The following RBFOX3 variants were observed in gnomAD, a reference collection of about 807,000 sequenced individuals.
RBFOX3 encodes RNA binding protein fox-1 homolog 3.
Under a neutral mutation model 48.7 loss-of-function variants are expected in RBFOX3, and 17 were observed. The ratio of observed to expected loss-of-function variants is 0.35; its 90% CI spans 0.24 to 0.52. The LOEUF is 0.52. Among genes scored for constraint, RBFOX3 ranks in the 20% least tolerant of loss-of-function variants. RBFOX3 has a pLI of 0.94. For synonymous variants in RBFOX3, 212 were observed against 209.5 expected, an observed-to-expected ratio of 1.01 and a Z score of -0.10; for missense variants, 382 against 497.5, an observed-to-expected ratio of 0.77 and a Z score of 2.21.
chr17:79,095,534 G>A lies in RBFOX3; in HGVS notation c.977C>T (p.Ala326Val), dbSNP rs891632025. Reference sequence around the variant, plus strand: ...TCACCTGTCGCTGTAGGCTGCCGCCGCTGCAGCGGGCTGAGCGTATCTGTA... The same window carrying A: ...TCACCTGTCGCTGTAGGCTGCCGCCACTGCAGCGGGCTGAGCGTATCTGTA... ...AAYRYAQPAA[A>V]AAAYSDSYGR... is the part of the protein sequence containing the mutation. The change falls in exon 13 of 15, where the codon GCG (alanine) becomes GTG (valine). Residue 326 changes from alanine to valine, a missense_variant. Physicochemically the swap from Ala to Val is moderately conservative, Grantham distance 64. Coordinates refer to ENST00000693108, the MANE Select transcript of RBFOX3 (RefSeq NM_001350451.2). 5.2e-6 allele frequency: 8 copies of A among 1,551,176 alleles called. No homozygotes were observed. The highest frequency in any genetic ancestry group is 1.4e-5 in the African/African-American group (1 of 73,056).
chr17:79,185,629 C>T (rs555236810), intron 4 of RBFOX3, among the ~76,000 whole-genome samples: 2 of 152,334 alleles, frequency 1.3e-5, no homozygotes, highest in East Asian at 1.9e-4. Context: ...ACATAGCATT[C>T]AGCCGAAACC....
rs1233748049 is a variant in RBFOX3, at chr17:79,479,599, A to G, written c.-175+2855T>C. Among the ~76,000 whole-genome samples the G allele has an allele frequency of 8.5e-5, 13 of 152,248 alleles. No homozygotes were observed. The highest frequency in any genetic ancestry group is 1.2e-4 in the Non-Finnish European group (8 of 68,030). On this transcript the variant is annotated intron_variant, in intron 2 of 14. Transcript: ENST00000693108. The surrounding 1 kb of genome is among the most constrained non-coding windows in gnomAD (Gnocchi z 5.1). The stretch of plus-strand genomic sequence containing the variant: ...GGACAGTGAACACACCGAGGGAAGC[A>G]GCTCAGGTCCAAAAGAGCTTGTGGG...
intron 4 of RBFOX3, among the ~76,000 whole-genome samples, chr17:79,155,156 T>C (rs1207617656): frequency 1.3e-5 from 2 of 152,244 alleles, no homozygotes; most frequent in Admixed American, 6.5e-5. Context: ...GGCCAGCTAG[T>C]GCCGCGTCCC....
chr17:79,149,763 G>A (rs1409430536), intron 4 of RBFOX3, among the ~76,000 whole-genome samples: 2 of 151,508 alleles, frequency 1.3e-5, no homozygotes, highest in African/African-American at 4.9e-5. Flanking sequence ...GCAGGTCCTG[G>A]GAGGACAGGG....
chr17:79,328,361 G>T (rs979433523), intron 2 of RBFOX3, among the ~76,000 whole-genome samples: 7 of 152,302 alleles, frequency 4.6e-5, no homozygotes, highest in Admixed American at 4.6e-4. Context: ...ATTGTGGCAG[G>T]GCTATCTGGT....
chr17:79,613,343 C>T (rs2093982147), upstream of RBFOX3, among the ~76,000 whole-genome samples: 3 of 152,228 alleles, frequency 2.0e-5, no homozygotes, highest in South Asian at 6.2e-4. Flanking sequence ...CCAGCCAGGC[C>T]GGCCTCATTA....
the RBFOX3 span, among the ~76,000 whole-genome samples, chr17:79,630,991 C>T: frequency 2.1e-3 from 315 of 152,238 alleles, 8 homozygotes; most frequent in Non-Finnish European, 6.5e-4. Flanking sequence ...ACCTCATGGC[C>T]AGGGACGGCC....
chr17:79,202,754 C>T (rs2056954997), intron 4 of RBFOX3, among the ~76,000 whole-genome samples: 1 of 152,258 alleles, frequency 6.6e-6, no homozygotes, highest in African/African-American at 2.4e-5. Context: ...GCACTGCCCG[C>T]CCTGGGGCTC....
At chr17:79,257,292 AG>A (rs1304543230) in intron 3 of RBFOX3, among the ~76,000 whole-genome samples, 2 of 152,226 alleles carry the variant, frequency 1.3e-5, no homozygotes, top group Non-Finnish European at 2.9e-5. Context: ...ACACCAGCAC[AG>A]GGATGCATGT....
intron 4 of RBFOX3, among the ~76,000 whole-genome samples, chr17:79,158,738 C>A (rs1183766518): frequency 6.6e-6 from 1 of 152,186 alleles, no homozygotes; most frequent in African/African-American, 2.4e-5. Context: ...CTGAGCAGGG[C>A]ATGGAGGTGG....
At chr17:79,601,079 G>A (rs1408205627) in intron 1 of RBFOX3, 1 of 152,350 alleles carries the variant, frequency 6.6e-6, no homozygotes, top group Non-Finnish European at 1.5e-5. Context: ...GCGGAGGAAT[G>A]AATGCCTCAG....
chr17:79,601,719 G>C (rs2093708783), intron 1 of RBFOX3: 1 of 152,148 alleles, frequency 6.6e-6, no homozygotes, highest in African/African-American at 2.4e-5. Context: ...CTTCTGCCAA[G>C]GAAAGAACCC....
At chr17:79,232,219 C>A (rs764204111) in intron 4 of RBFOX3, among the ~76,000 whole-genome samples, 1 of 152,162 alleles carries the variant, frequency 6.6e-6, no homozygotes, top group African/African-American at 2.4e-5. Flanking sequence ...CTTATAGATT[C>A]AATTCAATCC....
At position 79,115,613 on chromosome 17, in the gene RBFOX3, C is replaced by T. The variant is rs375309858; in HGVS notation, c.103G>A (p.Gly35Ser). 553 of 1,285,514 alleles carry T rather than the reference C, an allele frequency of 4.3e-4. No homozygotes were observed. The highest frequency in any genetic ancestry group is 4.2e-4 in the Non-Finnish European group (427 of 1,009,004). 79.6% of individuals were successfully genotyped at this position (1,285,514 alleles called of 1,614,324 possible). A position where few individuals can be genotyped will look rare whatever the true frequency, so the allele number is the denominator to read the frequency against. ...TGCTCTGTGGGGACCGGGGTCTGGC[C>T]GGAGTAGTCCTGCGTGGGGTGCGGT... ...PPPHPTQDYSGQTPVPTEHGM... is the reference protein window; with the variant it reads ...PPPHPTQDYSSQTPVPTEHGM... Residue 35 changes from glycine (G) to serine (S), a missense_variant, in exon 5 of 15, where the codon GGC (glycine) becomes AGC (serine). Around this residue, in one of 3 missense-constraint regions of RBFOX3, gnomAD observed 118 missense variants for 132.1 expected, o/e 0.89. Coordinates refer to ENST00000693108, the MANE Select transcript of RBFOX3 (RefSeq NM_001350451.2).
At chr17:79,568,372 A>G (rs1287827520) in intron 1 of RBFOX3, among the ~76,000 whole-genome samples, 3 of 152,208 alleles carry the variant, frequency 2.0e-5, no homozygotes, top group African/African-American at 7.2e-5. Flanking sequence ...CACTGACATG[A>G]TGCTCAAAGC....
intron 3 of RBFOX3, among the ~76,000 whole-genome samples, chr17:79,264,109 T>A (rs2066266811): frequency 6.6e-6 from 1 of 151,016 alleles, no homozygotes; most frequent in South Asian, 2.1e-4. Context: ...TTTTTTTTTT[T>A]AAGACGGAGT....
At chr17:79,478,349 A>T (rs1235689753) in intron 2 of RBFOX3, among the ~76,000 whole-genome samples, 1 of 152,182 alleles carries the variant, frequency 6.6e-6, no homozygotes, top group South Asian at 2.1e-4. Flanking sequence ...TGTAAGCTGC[A>T]CTACCACGGC....
intron 3 of RBFOX3, among the ~76,000 whole-genome samples, chr17:79,276,626 A>C (rs566366150): frequency 6.6e-6 from 1 of 152,302 alleles, no homozygotes; most frequent in African/African-American, 2.4e-5. Context: ...GAGAGGTTGC[A>C]GTGAGCCCAG....
intron 3 of RBFOX3, among the ~76,000 whole-genome samples, chr17:79,259,764 GC>G (rs1358857851): frequency 1.6e-4 from 24 of 152,216 alleles, no homozygotes; most frequent in African/African-American, 5.5e-4. Flanking sequence ...GTGTCTAGGT[GC>G]CCCCGCATCT....
Sources: allele counts gnomAD v4.1 joint callset (sites outside exome capture counted in the v4.1 genomes callset), GRCh38; gene constraint gnomAD v4.1.1; regional missense constraint gnomAD v4.1.1; non-coding constraint Gnocchi (gnomAD v3.1); transcripts MANE v1.5; gene names NCBI Gene and HGNC (gene_info 2026-07-23, HGNC 2026-07-21).